GAREM1: variants seen among roughly 807,000 people sequenced by gnomAD.
The protein encoded by GAREM1 is GRB2-associated and regulator of MAPK protein 1.
Under a neutral mutation model 71.3 loss-of-function variants are expected in GAREM1, and 26 were observed. The observed-to-expected ratio is 0.36, with a 90% CI of 0.27 to 0.51. The LOEUF (loss-of-function observed/expected upper bound fraction) is 0.51, where lower values mean the gene tolerates loss of function less well. Among genes scored for constraint, GAREM1 ranks in the 20% least tolerant of loss-of-function variants. The pLI, the probability that GAREM1 is intolerant of heterozygous loss-of-function variation, is 0.95. For missense variants in GAREM1, 1,026 were observed against 1,103.1 expected (o/e 0.93, Z 0.99); for synonymous variants, 440 against 433.2 (o/e 1.02, Z -0.20).
At chr18:32,451,851 G>A (rs1176042030) in intron 1 of GAREM1, among the ~76,000 whole-genome samples, 3 of 152,196 alleles carry the variant, frequency 2.0e-5, no homozygotes, top group Non-Finnish European at 2.9e-5. Context: ...AGGCACCACA[G>A]GAATGAGGAT....
chr18:32,285,699 T>C (rs1220530177), intron 4 of GAREM1, among the ~76,000 whole-genome samples: 1 of 152,248 alleles, frequency 6.6e-6, no homozygotes, highest in African/African-American at 2.4e-5. Context: ...CTTGTTTTCC[T>C]ATTGTTTATC....
chr18:32,376,282 T>C (rs1424794170), intron 2 of GAREM1, among the ~76,000 whole-genome samples: 2 of 152,232 alleles, frequency 1.3e-5, no homozygotes, highest in Admixed American at 1.3e-4. Flanking sequence ...CCAAGGACTT[T>C]ACAGGGTAAA....
In GAREM1 at chr18:32,263,906, A is replaced by C. The variant is rs2041338567; in HGVS notation, c.*3965T>G. 1 of 152,270 alleles carries C rather than the reference A, an allele frequency of 6.6e-6. No homozygotes were observed. The highest frequency in any genetic ancestry group is 2.1e-4 in the South Asian group (1 of 4,834). 9.4% of individuals were successfully genotyped at this position (152,270 alleles called of 1,614,324 possible). On this transcript the variant is annotated 3_prime_UTR_variant, in exon 6 of 6. Transcript: ENST00000269209. ...AGATTGTAAACAAAGGAAATTTGCG[A>C]TCTGATAAGCTCTATTACAAAATTT...
chr18:32,420,755 GAA>G (rs10683034), intron 1 of GAREM1, among the ~76,000 whole-genome samples: 4 of 123,168 alleles, frequency 3.2e-5, no homozygotes, highest in Admixed American at 7.9e-5. Flanking sequence ...CTTCAAAAAT[GAA>G]AAAAAAAAAA....
rs1055018944 is a variant in GAREM1, at chr18:32,308,530, A to T, written c.393+1663T>A. The stretch of plus-strand genomic sequence containing the variant: ...ACTACTAACTTTCTAAAAAAAACTT[A>T]TTTTTTTTTCATTTAGAGAATTCTA... On this transcript the variant is annotated intron_variant, in intron 3 of 5. Coordinates refer to ENST00000269209, the MANE Select transcript of GAREM1 (RefSeq NM_001242409.2). 4.0e-5 allele frequency among the ~76,000 whole-genome samples: 6 copies of T among 148,710 alleles called. No individual in the cohort carries two copies. The South Asian group carries it at 1.1e-3, about 27-fold the overall frequency.
chr18:32,378,221 A>G (rs1417918626), intron 2 of GAREM1, among the ~76,000 whole-genome samples: 4 of 151,988 alleles, frequency 2.6e-5, no homozygotes, highest in African/African-American at 9.7e-5. Flanking sequence ...ACTGCTTGGC[A>G]GGGCATGGTG....
intron 1 of GAREM1, among the ~76,000 whole-genome samples, chr18:32,466,362 A>G (rs2144321229): frequency 6.6e-6 from 1 of 152,370 alleles, no homozygotes; most frequent in East Asian, 1.9e-4. Flanking sequence ...GAATTTTTAA[A>G]CAAATGATAT....
intron 1 of GAREM1, among the ~76,000 whole-genome samples, chr18:32,457,217 G>C (rs2048899748): frequency 8.0e-6 from 1 of 125,696 alleles, no homozygotes; most frequent in African/African-American, 3.2e-5. Flanking sequence ...GAGAGAGAGA[G>C]AGAGAGAGAG....
intron 3 of GAREM1, among the ~76,000 whole-genome samples, chr18:32,298,796 A>G (rs2047168955): frequency 6.6e-6 from 1 of 152,214 alleles, no homozygotes; most frequent in Admixed American, 6.5e-5. Flanking sequence ...TGATTGATAT[A>G]TAGGTTATAT....
chr18:32,457,419 C>T (rs1384384625), intron 1 of GAREM1, among the ~76,000 whole-genome samples: 1 of 151,968 alleles, frequency 6.6e-6, no homozygotes, highest in Non-Finnish European at 1.5e-5. Flanking sequence ...TTAGTTCATA[C>T]ATTTCCTCCC....
chr18:32,348,844 G>A (rs1360694845), intron 2 of GAREM1, among the ~76,000 whole-genome samples: 1 of 152,120 alleles, frequency 6.6e-6, no homozygotes, highest in Non-Finnish European at 1.5e-5. Flanking sequence ...AAATAATTAT[G>A]TACTGATATT....
intron 3 of GAREM1, among the ~76,000 whole-genome samples, chr18:32,290,766 A>G (rs970173246): frequency 3.9e-5 from 6 of 152,216 alleles, no homozygotes; most frequent in African/African-American, 1.4e-4. Flanking sequence ...AGAAATGCCA[A>G]TTAAAATTAT....
At chr18:32,271,567 T>A (rs538887168) in intron 4 of GAREM1, among the ~76,000 whole-genome samples, 1 of 152,112 alleles carries the variant, frequency 6.6e-6, no homozygotes, top group South Asian at 2.1e-4. Context: ...TGACCCAGGG[T>A]GGGGCCTGGG....
At chr18:32,447,129 C>A (rs111523668) in intron 1 of GAREM1, among the ~76,000 whole-genome samples, 19 of 152,292 alleles carry the variant, frequency 1.2e-4, no homozygotes, top group African/African-American at 4.3e-4. Context: ...ACAACCCTTT[C>A]AAGGCAATAA....
chr18:32,295,529 C>T (rs531656564), intron 3 of GAREM1, among the ~76,000 whole-genome samples: 13 of 152,198 alleles, frequency 8.5e-5, no homozygotes, highest in African/African-American at 3.1e-4. Context: ...TAACTGACTA[C>T]GTTCATACCA....
At chr18:32,396,789 A>G (rs1323585096) in intron 1 of GAREM1, among the ~76,000 whole-genome samples, 12 of 152,116 alleles carry the variant, frequency 7.9e-5, no homozygotes, top group Admixed American at 7.2e-4. Flanking sequence ...ACATTCAAAT[A>G]CAGGAAATAC....
At chr18:32,346,389 C>A (rs1393302745) in intron 2 of GAREM1, among the ~76,000 whole-genome samples, 1 of 152,158 alleles carries the variant, frequency 6.6e-6, no homozygotes, top group East Asian at 1.9e-4. Context: ...ACTACCATTA[C>A]AATTGGACCA....
At chr18:32,454,584 T>G (rs1281046719) in intron 1 of GAREM1, among the ~76,000 whole-genome samples, 1 of 152,228 alleles carries the variant, frequency 6.6e-6, no homozygotes, top group Non-Finnish European at 1.5e-5. Flanking sequence ...ATCAGGCTAA[T>G]ATATGCAAAT....
intron 4 of GAREM1, among the ~76,000 whole-genome samples, chr18:32,278,863 T>C (rs2041576872): frequency 6.6e-6 from 1 of 152,220 alleles, no homozygotes; most frequent in African/African-American, 2.4e-5. Context: ...GATTCTTAGA[T>C]GCGTGAGCTT....
Sources: allele counts gnomAD v4.1 joint callset (sites outside exome capture counted in the v4.1 genomes callset), GRCh38; gene constraint gnomAD v4.1.1; transcripts MANE v1.5; gene names NCBI Gene and HGNC (gene_info 2026-07-23, HGNC 2026-07-21).